The following MYO1E variants were observed in gnomAD, a reference collection of about 807,000 sequenced individuals.
MYO1E encodes the protein unconventional myosin-Ie.
MYO1E carries 68 observed loss-of-function variants against 151.1 expected under a neutral mutation model. The ratio of observed to expected loss-of-function variants is 0.45; its 90% CI spans 0.37 to 0.55. The LOEUF (loss-of-function observed/expected upper bound fraction) is 0.55, where lower values mean the gene tolerates loss of function less well. MYO1E is among the 20% of genes least tolerant of loss of function. The pLI is 0.00. For missense variants in MYO1E, 1,363 were observed against 1,389.3 expected (o/e 0.98, Z 0.30); for synonymous variants, 601 against 501.7 (o/e 1.20, Z -2.64).
intron 1 of MYO1E, among the ~76,000 whole-genome samples, chr15:59,319,407 A>C (rs2080610356): frequency 6.6e-6 from 1 of 152,106 alleles, no homozygotes; most frequent in South Asian, 2.1e-4. Flanking sequence ...ATATTTTATA[A>C]TTATTATAAA....
At chr15:59,224,958 A>G in intron 7 of MYO1E, 135 bp from the exon 8 acceptor site, 2 of 1,187,960 alleles carry the variant, frequency 1.7e-6, no homozygotes, top group Middle Eastern at 2.7e-4. Flanking sequence ...CTGGCCCCCA[A>G]ATATGTACTT....
chr15:59,211,113 T>C (rs2079876005), intron 12 of MYO1E, among the ~76,000 whole-genome samples: 1 of 151,668 alleles, frequency 6.6e-6, no homozygotes, highest in East Asian at 1.9e-4. Flanking sequence ...GGCAGGAGAA[T>C]TGCTTGAACC....
chr15:59,171,389 C>A, intron 22 of MYO1E: 1 of 177,684 alleles, frequency 5.6e-6, no homozygotes, highest in Non-Finnish European at 1.2e-5. Flanking sequence ...TCCCCACTGC[C>A]TGAGAATTGG....
intron 5 of MYO1E, among the ~76,000 whole-genome samples, chr15:59,235,496 C>T (rs2080056913): frequency 1.3e-5 from 2 of 152,190 alleles, no homozygotes; most frequent in African/African-American, 4.8e-5. Context: ...TCTATCAGTA[C>T]AATCGGTACA....
intron 26 of MYO1E, among the ~76,000 whole-genome samples, chr15:59,152,834 G>C (rs777580990): frequency 1.3e-5 from 2 of 152,088 alleles, no homozygotes; most frequent in Non-Finnish European, 2.9e-5. Context: ...CATCCACCTG[G>C]TGCCTGGATG....
intron 9 of MYO1E, among the ~76,000 whole-genome samples, chr15:59,218,702 A>C (rs1331398830): frequency 6.6e-6 from 1 of 152,254 alleles, no homozygotes; most frequent in Non-Finnish European, 1.5e-5. Context: ...GGAAAAGCTG[A>C]ATATGTAACA....
chr15:59,252,072 GATA>G (rs2080168232), intron 4 of MYO1E, among the ~76,000 whole-genome samples: 1 of 152,118 alleles, frequency 6.6e-6, no homozygotes. Context: ...TTCAGCATAA[GATA>G]AATGGGATAC....
chr15:59,254,460 G>A (rs990058230), intron 4 of MYO1E, among the ~76,000 whole-genome samples: 1 of 152,128 alleles, frequency 6.6e-6, no homozygotes, highest in Admixed American at 6.5e-5. Context: ...CAAAGTGCTA[G>A]TATTACATAT....
intron 1 of MYO1E, among the ~76,000 whole-genome samples, chr15:59,281,393 A>G (rs1316064145): frequency 6.6e-6 from 1 of 151,384 alleles, no homozygotes; most frequent in Non-Finnish European, 1.5e-5. Context: ...CTCCTGCCTC[A>G]GTCTCCCGAA....
At chr15:59,162,659 GAAAAA>G (rs56116339) in intron 23 of MYO1E, among the ~76,000 whole-genome samples, 3 of 120,910 alleles carry the variant, frequency 2.5e-5, no homozygotes, top group Admixed American at 8.6e-5. Context: ...AAAAAAAAAA[GAAAAA>G]AAAAAAAAAA....
intron 23 of MYO1E, among the ~76,000 whole-genome samples, chr15:59,161,739 C>A (rs1199798943): frequency 6.6e-6 from 1 of 152,164 alleles, no homozygotes; most frequent in Admixed American, 6.5e-5. Context: ...GAAAAAGACA[C>A]ACACTAGCAA....
intron 26 of MYO1E, among the ~76,000 whole-genome samples, chr15:59,146,539 T>A (rs1253949799): frequency 6.6e-6 from 1 of 152,072 alleles, no homozygotes; most frequent in East Asian, 1.9e-4. Context: ...GGTCTCGAAC[T>A]CCTGATCTCA....
intron 4 of MYO1E, among the ~76,000 whole-genome samples, chr15:59,250,673 G>A (rs1052603395): frequency 2.0e-5 from 3 of 152,148 alleles, no homozygotes; most frequent in Non-Finnish European, 2.9e-5. Context: ...GGTGGCCTGG[G>A]GAGCCCTGAA....
chr15:59,349,494 CCTT>C (rs1395092690), intron 1 of MYO1E, among the ~76,000 whole-genome samples: 22 of 152,240 alleles, frequency 1.4e-4, no homozygotes, highest in South Asian at 1.0e-3. Context: ...AACTCACAAA[CCTT>C]CTTTAAATTA....
At chr15:59,218,199 G>A in intron 9 of MYO1E, 112 bp from the exon 10 acceptor site, 1 of 1,305,476 alleles carries the variant, frequency 7.7e-7, no homozygotes, top group Non-Finnish European at 1.1e-6. Context: ...GTGCATAGAA[G>A]GCACAATCAC....
At chr15:59,211,244 G>A (rs906992250) in intron 12 of MYO1E, among the ~76,000 whole-genome samples, 2 of 151,492 alleles carry the variant, frequency 1.3e-5, no homozygotes, top group East Asian at 3.9e-4. Flanking sequence ...GTACAGATTA[G>A]CATCCAGGTA....
chr15:59,366,298 C>T lies in MYO1E; in HGVS notation c.3+6200G>A, dbSNP rs67917578. Among the ~76,000 whole-genome samples, 85 of 12,920 alleles carry T rather than the reference C, an allele frequency of 6.6e-3. No homozygotes were observed. In the East Asian group the frequency reaches 0.091, roughly 14 times the overall value. 8.5% of individuals were successfully genotyped at this position (12,920 alleles called of 152,430 possible). On this transcript the variant is annotated intron_variant, in intron 1 of 27. Coordinates refer to ENST00000288235, the MANE Select transcript of MYO1E (RefSeq NM_004998.4). The stretch of plus-strand genomic sequence containing the variant: ...CCAGCCCTGTCTCTTTCTTTTTTTT[C>T]TCTCTCTCTCTTTCTCTCTCTCTCT...
intron 12 of MYO1E, among the ~76,000 whole-genome samples, chr15:59,211,976 C>CA (rs1436641614): frequency 6.6e-6 from 1 of 152,080 alleles, no homozygotes; most frequent in Non-Finnish European, 1.5e-5. Flanking sequence ...GTGACCCTTT[C>CA]AAAAACACAA....
At chr15:59,315,070 C>G (rs1217111756) in intron 1 of MYO1E, among the ~76,000 whole-genome samples, 1 of 152,186 alleles carries the variant, frequency 6.6e-6, no homozygotes, top group Non-Finnish European at 1.5e-5. Context: ...CTCATGGAGC[C>G]TGGGGGCCAC....
Sources: gnomAD v4.1 joint callset for allele counts (sites outside exome capture counted in the v4.1 genomes callset) on GRCh38, gnomAD v4.1.1 for gene constraint, MANE v1.5 for transcripts, NCBI Gene and HGNC (gene_info 2026-07-23, HGNC 2026-07-21) for gene names.